PCTP: variants seen among roughly 807,000 people sequenced by gnomAD.
The protein encoded by PCTP is phosphatidylcholine transfer protein.
A neutral mutation model predicts 31.0 loss-of-function variants in PCTP; 27 were observed. The observed-to-expected ratio is 0.87, with a 90% CI of 0.64 to 1.20. The LOEUF is 1.20. PCTP is among the 50% of genes most tolerant of loss of function. PCTP has a pLI of 0.00. For synonymous variants in PCTP, 108 were observed against 101.2 expected, an observed-to-expected ratio of 1.07 and a Z score of -0.40; for missense variants, 287 against 268.2, an observed-to-expected ratio of 1.07 and a Z score of -0.49.
chr17:55,813,334 C>G (rs985076090), intron 3 of PCTP, among the ~76,000 whole-genome samples: 1 of 152,096 alleles, frequency 6.6e-6, no homozygotes, highest in Non-Finnish European at 1.5e-5. Context: ...TGCGGTGGTG[C>G]GATCTCGGCT....
the PCTP span, among the ~76,000 whole-genome samples, chr17:55,850,899 T>G: frequency 6.6e-6 from 1 of 152,188 alleles, no homozygotes; most frequent in Non-Finnish European, 1.5e-5. Context: ...ATGTTCTAAT[T>G]TAGTGATTCT....
intron 3 of PCTP, among the ~76,000 whole-genome samples, chr17:55,805,601 C>CAT (rs1343831062): frequency 6.6e-6 from 1 of 151,336 alleles, no homozygotes; most frequent in African/African-American, 2.4e-5. Context: ...TATATATATA[C>CAT]ATATATATAC....
chr17:55,768,206 A>G (rs1910795391), intron 2 of PCTP, among the ~76,000 whole-genome samples: 1 of 152,142 alleles, frequency 6.6e-6, no homozygotes, highest in Admixed American at 6.5e-5. Flanking sequence ...TAAATGTTGG[A>G]CTGAAATGCA....
At chr17:55,773,484 G>A (rs16956402) in intron 3 of PCTP, among the ~76,000 whole-genome samples, 16,589 of 152,214 alleles carry the variant, frequency 0.11, 999 homozygotes, top group African/African-American at 0.15. Flanking sequence ...ATAATTAAAA[G>A]CATGAAGGGA....
intron 5 of PCTP, among the ~76,000 whole-genome samples, chr17:55,830,939 G>C (rs932695989): frequency 6.6e-6 from 1 of 152,148 alleles, no homozygotes; most frequent in African/African-American, 2.4e-5. Flanking sequence ...GAAAACATGA[G>C]GTCAAAACTG....
intron 3 of PCTP, among the ~76,000 whole-genome samples, chr17:55,822,399 G>C (rs573830903): frequency 2.7e-4 from 41 of 152,210 alleles, no homozygotes; most frequent in African/African-American, 9.6e-4. Flanking sequence ...TCTCTTCTTG[G>C]ACAAAAGATG....
chr17:55,846,591 A>C (rs1417782532), downstream of PCTP, among the ~76,000 whole-genome samples: 1 of 152,228 alleles, frequency 6.6e-6, no homozygotes, highest in Non-Finnish European at 1.5e-5. Flanking sequence ...TGTGTGGTAC[A>C]TCATGTGTAA....
intron 3 of PCTP, among the ~76,000 whole-genome samples, chr17:55,808,643 C>T (rs1011083046): frequency 2.0e-5 from 3 of 152,162 alleles, no homozygotes; most frequent in Admixed American, 1.3e-4. Flanking sequence ...CCTAATCACT[C>T]AGATTAGCAA....
chr17:55,827,570 C>T (rs537108684), downstream of PCTP, among the ~76,000 whole-genome samples: 5 of 152,336 alleles, frequency 3.3e-5, no homozygotes, highest in African/African-American at 1.2e-4. Context: ...ACCTACTGCT[C>T]ATAACCCAGC....
intron 3 of PCTP, among the ~76,000 whole-genome samples, chr17:55,788,603 T>C (rs772943457): frequency 6.6e-6 from 1 of 152,204 alleles, no homozygotes; most frequent in Non-Finnish European, 1.5e-5. Context: ...TTATTATACT[T>C]ATGATTGCTA....
intron 2 of PCTP, chr17:55,769,972 C>T (rs1055751715): frequency 2.0e-5 from 3 of 152,194 alleles, no homozygotes; most frequent in Non-Finnish European, 2.9e-5. Flanking sequence ...CCTTAATGGG[C>T]TGGCACACTC....
intron 1 of PCTP, 174 bp downstream of exon 1, chr17:55,751,418 C>G (rs1388338397): frequency 6.5e-7 from 1 of 1,534,392 alleles, no homozygotes; most frequent in East Asian, 2.4e-5. Context: ...GGGGCGGTGC[C>G]TCCAAGTGAC....
In PCTP at chr17:55,776,613, A is replaced by T; in HGVS notation, c.*513A>T. 8.1e-7 allele frequency: 1 copy of T among 1,230,806 alleles called. No homozygotes were observed. The highest frequency in any genetic ancestry group is 1.0e-6 in the Non-Finnish European group (1 of 987,980). 76.2% of individuals were successfully genotyped at this position (1,230,806 alleles called of 1,614,324 possible). On this transcript the variant is annotated 3_prime_UTR_variant, in exon 6 of 6. Transcript: ENST00000268896. Reference sequence around the variant, plus strand: ...CTGACTTTCAGTGCACCCAAACTGGATGACGTGCCAATGTCCATTTGCCTT... The same window carrying T: ...CTGACTTTCAGTGCACCCAAACTGGTTGACGTGCCAATGTCCATTTGCCTT...
chr17:55,751,079 G>C lies in PCTP; in HGVS notation c.-25G>C. 1 of 1,509,754 alleles carries C rather than the reference G, an allele frequency of 6.6e-7. No individual in the cohort carries two copies. Among genetic ancestry groups the C allele is most frequent in the Non-Finnish European group, 8.8e-7 (1 of 1,130,390 alleles). The allele number at this position is 1,509,754 out of a possible 1,614,324, so 93.5% of individuals were successfully genotyped here. ...AGGGTGTCCGCGGCCTGCCCTCCAG[G>C]CGGAGGAGCCCGGACTGCGGAAGGA... On this transcript the variant is annotated 5_prime_UTR_variant, in exon 1 of 6. Coordinates refer to ENST00000268896, the MANE Select transcript of PCTP (RefSeq NM_021213.4).
chr17:55,751,529 G>T, intron 1 of PCTP: 7 of 1,451,412 alleles, frequency 4.8e-6, no homozygotes, highest in Non-Finnish European at 6.4e-6. Context: ...TGAAACGTGG[G>T]TCAGCTGGTT....
intron 3 of PCTP, among the ~76,000 whole-genome samples, chr17:55,793,583 T>C (rs1912080484): frequency 6.6e-6 from 1 of 152,134 alleles, no homozygotes; most frequent in African/African-American, 2.4e-5. Context: ...ATTATTTACA[T>C]GATTTCTTCA....
downstream of PCTP, among the ~76,000 whole-genome samples, chr17:55,826,648 T>C (rs1340833504): frequency 6.6e-6 from 1 of 152,192 alleles, no homozygotes; most frequent in African/African-American, 2.4e-5. Flanking sequence ...GTTTTCTTCA[T>C]TGGCATCAAA....
Position 55,785,611 on chromosome 17 carries a change from C to T in PCTP, c.229-1955C>T, listed in dbSNP as rs191824977. 3.9e-5 allele frequency among the ~76,000 whole-genome samples: 6 copies of T among 152,356 alleles called. No individual in the cohort carries two copies. The East Asian group carries it at 1.2e-3, about 29-fold the overall frequency. On this transcript the variant is annotated intron_variant, in intron 2 of 3. Coordinates refer to the PCTP transcript ENST00000572536. ...AACAAACCAAACCAAACAAAATGAT[C>T]ACACATTATTCTCTCACACCTTACC...
chr17:55,751,372 C>T (rs1231861812), intron 1 of PCTP, 128 bp downstream of exon 1: 6 of 1,530,860 alleles, frequency 3.9e-6, no homozygotes, highest in Non-Finnish European at 5.2e-6. Context: ...GAAGGAGCTC[C>T]GCCCGGACCC....
Sources: allele counts gnomAD v4.1 joint callset (sites outside exome capture counted in the v4.1 genomes callset), GRCh38; gene constraint gnomAD v4.1.1; transcripts MANE v1.5; gene names NCBI Gene and HGNC (gene_info 2026-07-23, HGNC 2026-07-21).